The following CRADD variants were observed in gnomAD, a reference collection of about 807,000 sequenced individuals.
CRADD encodes the protein death domain-containing protein CRADD.
CRADD carries 9 observed loss-of-function variants against 15.5 expected under a neutral mutation model. The ratio of observed to expected loss-of-function variants is 0.58; its 90% CI spans 0.35 to 1.01. CRADD has a LOEUF of 1.01. Ranked by LOEUF, CRADD falls within the 50% of genes least tolerant of loss-of-function variation. CRADD has a pLI of 0.02. For synonymous variants in CRADD, 118 were observed against 107.6 expected (o/e 1.10, Z -0.60); for missense variants, 227 against 250.3 (o/e 0.91, Z 0.63).
chr12:93,684,403 T>C (rs1301878347), intron 2 of CRADD, among the ~76,000 whole-genome samples: 1 of 152,184 alleles, frequency 6.6e-6, no homozygotes. Context: ...CATGCTCCTA[T>C]GAGAGTCTAA....
intron 2 of CRADD, among the ~76,000 whole-genome samples, chr12:93,778,051 C>T (rs188000051): frequency 1.1e-4 from 16 of 152,296 alleles, no homozygotes; most frequent in African/African-American, 3.8e-4. Context: ...AAGCCCAAGA[C>T]AGTCCATGTG....
intron 2 of CRADD, among the ~76,000 whole-genome samples, chr12:93,747,199 A>G (rs1252952475): frequency 1.3e-5 from 2 of 152,124 alleles, no homozygotes; most frequent in East Asian, 3.9e-4. Context: ...CCAATAAGTC[A>G]TTGCTGTATT....
chr12:93,821,747 C>T (rs913796504), intron 2 of CRADD, among the ~76,000 whole-genome samples: 1 of 152,180 alleles, frequency 6.6e-6, no homozygotes, highest in Admixed American at 6.5e-5. Context: ...GAGAGGGGCA[C>T]AGCCTCTTCC....
At chr12:93,736,567 G>A (rs976781328) in intron 2 of CRADD, among the ~76,000 whole-genome samples, 38 of 152,298 alleles carry the variant, frequency 2.5e-4, no homozygotes, top group African/African-American at 9.1e-4. Context: ...GGTGGATATA[G>A]GGTATGATAA....
intron 2 of CRADD, among the ~76,000 whole-genome samples, chr12:93,886,162 C>CATTTTTTTTTTTTTTTTTTTTTTTTT (rs1555231623): frequency 8.1e-6 from 1 of 123,948 alleles, no homozygotes. Flanking sequence ...GCTGCTGATG[C>CATTTTTTTTTTTTTTTTTTTTTTTTT]TTTTTTTTTT....
intron 2 of CRADD, among the ~76,000 whole-genome samples, chr12:93,692,354 A>G (rs1356711358): frequency 1.3e-5 from 2 of 152,210 alleles, no homozygotes; most frequent in Admixed American, 6.5e-5. Flanking sequence ...GGAAAGATAT[A>G]ATATCCAGGT....
chr12:93,856,297 C>A (rs1390343575), intron 2 of CRADD, among the ~76,000 whole-genome samples: 1 of 152,218 alleles, frequency 6.6e-6, no homozygotes, highest in African/African-American at 2.4e-5. Context: ...GGATTCTGAT[C>A]TAACAGTTGT....
intron 2 of CRADD, among the ~76,000 whole-genome samples, chr12:93,714,114 C>T (rs1216641317): frequency 6.6e-6 from 1 of 152,156 alleles, no homozygotes; most frequent in Non-Finnish European, 1.5e-5. Flanking sequence ...GTAAGATAGA[C>T]CCTTCTAAAA....
At chr12:93,734,650 A>G (rs892301046) in intron 2 of CRADD, among the ~76,000 whole-genome samples, 1 of 152,170 alleles carries the variant, frequency 6.6e-6, no homozygotes, top group African/African-American at 2.4e-5. Flanking sequence ...CCACTGCATC[A>G]TCAGGCCAGT....
chr12:93,711,582 TCTG>T (rs1202567179), intron 2 of CRADD, among the ~76,000 whole-genome samples: 1 of 152,144 alleles, frequency 6.6e-6, no homozygotes, highest in African/African-American at 2.4e-5. Flanking sequence ...TTTATTTCTT[TCTG>T]TTCCTTGAGC....
rs769119068 is a variant in CRADD at position 93,678,845 on chromosome 12, G to A, written c.71G>A (p.Gly24Glu). Reference protein sequence around the residue: ...LELGAEVLVEGLVLQYLYQEG... With the variant: ...LELGAEVLVEELVLQYLYQEG... ...CTGGGTGCAGAGGTATTGGTGGAGG[G>A]ACTGGTTCTTCAGTACCTCTACCAG... Residue 24 changes from glycine to glutamate, a missense_variant, in exon 2 of 3, where the codon GGA becomes GAA. By Grantham distance (98) the Gly-to-Glu change is moderately conservative. Transcript: ENST00000332896. 32 of 1,614,040 alleles carry A rather than the reference G, an allele frequency of 2.0e-5. 1 individual carries two copies. The South Asian group carries it at 3.3e-4, about 17-fold the overall frequency.
chr12:93,789,040 C>T (rs1287077713), intron 2 of CRADD, among the ~76,000 whole-genome samples: 1 of 152,052 alleles, frequency 6.6e-6, no homozygotes, highest in African/African-American at 2.4e-5. Context: ...TGGTGGTCAA[C>T]CACTTCAAGG....
In CRADD at chr12:93,863,644, G is replaced by GTGTGTGTT. The variant is rs58596395; in HGVS notation, c.299-30406_299-30405insTGTGTGTT. ...TGTGTGTGTGTGTGTGTGTGTGTGT[G>GTGTGTGTT]AAGCTGTCATCATACATTGGCGGGG... On this transcript the variant is annotated intron_variant, in intron 2 of 2. Transcript: ENST00000548483. 6.7e-5 allele frequency among the ~76,000 whole-genome samples: 10 copies of GTGTGTGTT among 148,698 alleles called. 1 individual carries two copies. The highest frequency in any genetic ancestry group is 4.7e-4 in the Admixed American group (7 of 14,928).
intron 2 of CRADD, chr12:93,738,185 G>A (rs746391045): frequency 5.4e-5 from 33 of 607,720 alleles, no homozygotes; most frequent in Non-Finnish European, 9.4e-5. Flanking sequence ...CAACAGCGCT[G>A]CTCATTTTTT....
At chr12:93,855,149 C>T (rs190440633), downstream of CRADD, among the ~76,000 whole-genome samples, 1 of 152,018 alleles carries the variant, frequency 6.6e-6, no homozygotes, top group Non-Finnish European at 1.5e-5. Context: ...GAGCCAAGAT[C>T]GCGCCACTTC....
intron 2 of CRADD, among the ~76,000 whole-genome samples, chr12:93,741,056 G>T (rs747797776): frequency 1.3e-5 from 2 of 152,108 alleles, no homozygotes; most frequent in South Asian, 4.1e-4. Context: ...AGCACCAAAG[G>T]TGTTATGAAA....
At chr12:93,777,483 C>G (rs925531769) in intron 2 of CRADD, among the ~76,000 whole-genome samples, 2 of 152,204 alleles carry the variant, frequency 1.3e-5, no homozygotes, top group African/African-American at 4.8e-5. Context: ...AGAGAGGAAG[C>G]TGAGCTCAGC....
intron 2 of CRADD, among the ~76,000 whole-genome samples, chr12:93,871,526 T>C (rs115670052): frequency 0.024 from 3,614 of 152,272 alleles, 143 homozygotes; most frequent in African/African-American, 0.081. Context: ...CTGTTATTTT[T>C]GTGTCCATTA....
At chr12:93,766,560 A>G (rs953552587) in intron 2 of CRADD, among the ~76,000 whole-genome samples, 2 of 152,166 alleles carry the variant, frequency 1.3e-5, no homozygotes, top group African/African-American at 4.8e-5. Context: ...TTCTCTGGCT[A>G]TGCCCTGCAG....
Sources: allele counts gnomAD v4.1 joint callset (sites outside exome capture counted in the v4.1 genomes callset), GRCh38; gene constraint gnomAD v4.1.1; transcripts MANE v1.5; gene names NCBI Gene and HGNC (gene_info 2026-07-23, HGNC 2026-07-21).